SLK: variants seen among roughly 807,000 people sequenced by gnomAD.
The protein encoded by SLK is STE20 like kinase.
SLK carries 67 observed loss-of-function variants against 147.7 expected under a neutral mutation model. That is an observed-to-expected ratio of 0.45 (90% CI 0.37 to 0.56). SLK has a LOEUF of 0.56. Among genes scored for constraint, SLK ranks in the 20% least tolerant of loss-of-function variants. SLK has a pLI of 0.00. For synonymous variants in SLK, 441 were observed against 475.0 expected (o/e 0.93, Z 0.93); for missense variants, 1,136 against 1,438.8 (o/e 0.79, Z 3.41).
intron 4 of SLK, among the ~76,000 whole-genome samples, chr10:103,994,001 C>T (rs1179087924): frequency 2.0e-5 from 3 of 151,912 alleles, no homozygotes; most frequent in East Asian, 3.9e-4. Flanking sequence ...CTCCAGGGAT[C>T]CTTCCACCTT....
At chr10:103,976,777 G>T (rs564804232) in intron 1 of SLK, among the ~76,000 whole-genome samples, 1 of 152,292 alleles carries the variant, frequency 6.6e-6, no homozygotes, top group East Asian at 1.9e-4. Context: ...CCAAGCTCAA[G>T]ATAGCCCTTA....
chr10:104,008,986 T>C (rs1277585050), intron 12 of SLK, among the ~76,000 whole-genome samples: 1 of 152,162 alleles, frequency 6.6e-6, no homozygotes, highest in Non-Finnish European at 1.5e-5. Flanking sequence ...AGTCATTTGA[T>C]GAGAATGAGT....
chr10:103,994,066 T>A (rs1844134393), intron 4 of SLK, among the ~76,000 whole-genome samples: 1 of 152,100 alleles, frequency 6.6e-6, no homozygotes, highest in South Asian at 2.1e-4. Flanking sequence ...GGCGAATTTT[T>A]AAAAATTTTT....
intron 3 of SLK, 68 bp from the exon 4 acceptor site, chr10:103,992,916 G>GTATA: frequency 1.8e-6 from 2 of 1,135,448 alleles, no homozygotes; most frequent in Admixed American, 4.0e-5. Context: ...ATACAGAAAG[G>GTATA]TATATAGCCT....
chr10:104,019,085 C>T, intron 15 of SLK, 177 bp downstream of exon 15: 2 of 538,344 alleles, frequency 3.7e-6, no homozygotes, highest in Non-Finnish European at 6.4e-6. Context: ...TGATTGCAAA[C>T]TTCTTTTCTA....
At chr10:103,979,892 A>G (rs1006771059) in intron 1 of SLK, among the ~76,000 whole-genome samples, 2 of 152,204 alleles carry the variant, frequency 1.3e-5, no homozygotes, top group Non-Finnish European at 2.9e-5. Flanking sequence ...ACTTTTCCCT[A>G]CATGGCTAAT....
intron 1 of SLK, among the ~76,000 whole-genome samples, chr10:103,989,936 A>G (rs1270827321): frequency 1.3e-5 from 2 of 152,248 alleles, no homozygotes; most frequent in Non-Finnish European, 2.9e-5. Context: ...GAAACAACCA[A>G]CATATCCTTA....
At chr10:103,978,706 A>G (rs1843902168) in intron 1 of SLK, among the ~76,000 whole-genome samples, 1 of 152,198 alleles carries the variant, frequency 6.6e-6, no homozygotes, top group African/African-American at 2.4e-5. Flanking sequence ...GTAAGGATAT[A>G]ACTACTGAAT....
rs1187948776 is a variant in SLK at position 104,001,500 on chromosome 10, G to A, written c.921G>A (p.Ala307=). Residue 307 remains alanine (A), a synonymous_variant, in exon 8 of 19, where the codon GCG becomes GCA. Transcript: ENST00000369755. ...CCATCCGAGAATTGATTGCAGAGGC[G>A]AAGGCTGAAGTAACAGAAGAAGTTG... is the stretch of plus-strand genomic sequence containing the variant. The part of the protein sequence containing the change: ...NKPIRELIAE[A]KAEVTEEVED... The A allele has an allele frequency of 3.7e-6, 6 of 1,614,044 alleles. No homozygotes were observed. The highest frequency in any genetic ancestry group is 2.7e-5 in the African/African-American group (2 of 75,030).
At position 104,019,451 on chromosome 10, in the gene SLK, G is replaced by A. The variant is rs562362636; in HGVS notation, c.3133-283G>A. On this transcript the variant is annotated intron_variant, in intron 15 of 18. Coordinates refer to ENST00000369755, the MANE Select transcript of SLK (RefSeq NM_014720.4). ...TGCTAATTAAAAAAAAAAATTTTGT[G>A]TGTGGAGACAGGGTCTCACTATGTT... Among the ~76,000 whole-genome samples, 14 of 152,038 alleles carry A rather than the reference G, an allele frequency of 9.2e-5. No homozygotes were observed. In the South Asian group the frequency reaches 2.3e-3, roughly 25 times the overall value.
rs1391752687 is a variant in SLK, at chr10:104,005,560, G to A, written c.2350-1G>A. ...CCTAACTAAAATAAAATCTCACTCA[G>A]GAAACAAGAAGACAAAAGAAAACAT... On this transcript the variant is annotated splice_acceptor_variant, in intron 9 of 18. Coordinates refer to ENST00000369755, the MANE Select transcript of SLK (RefSeq NM_014720.4). LOFTEE classifies it high-confidence loss of function. The A allele has an allele frequency of 6.2e-7, 1 of 1,601,110 alleles. No homozygotes were observed.
rs918980808 is a variant in SLK, at chr10:104,005,925, C to A, written c.2494C>A (p.Arg832=). The change falls in exon 11 of 19, where the codon CGG becomes AGG. Residue 832 remains arginine (R), a synonymous_variant. Coordinates refer to ENST00000369755, the MANE Select transcript of SLK (RefSeq NM_014720.4). ...AAATTTTATCAGACGTCAGGAACTTCGGGAATTAAGATTTCTTCAGAAAGA... is the reference window on the plus strand; with the variant it reads ...AAATTTTATCAGACGTCAGGAACTTAGGGAATTAAGATTTCTTCAGAAAGA... ...ELRFLRRQEL[R]ELRFLQKEEQ... The A allele has an allele frequency of 6.2e-7, 1 of 1,609,072 alleles. No homozygotes were observed. The highest frequency in any genetic ancestry group is 8.5e-7 in the Non-Finnish European group (1 of 1,178,814).
chr10:103,994,948 G>A (rs1437109599), intron 4 of SLK, among the ~76,000 whole-genome samples: 1 of 152,300 alleles, frequency 6.6e-6, no homozygotes, highest in East Asian at 1.9e-4. Context: ...GGCACACCGT[G>A]TCTGCTTTGT....
chr10:104,021,282 G>A (rs1410562126), intron 17 of SLK, among the ~76,000 whole-genome samples: 2 of 152,204 alleles, frequency 1.3e-5, no homozygotes, highest in Non-Finnish European at 2.9e-5. Flanking sequence ...TTTAGTACCA[G>A]ATCCCACATT....
intron 4 of SLK, among the ~76,000 whole-genome samples, chr10:103,998,643 A>G (rs1175494291): frequency 6.6e-6 from 1 of 152,100 alleles, no homozygotes; most frequent in Non-Finnish European, 1.5e-5. Context: ...TTTATTTTCA[A>G]TTTTGGAGGA....
At chr10:103,998,208 T>C (rs1214331811) in intron 4 of SLK, among the ~76,000 whole-genome samples, 2 of 152,190 alleles carry the variant, frequency 1.3e-5, no homozygotes, top group South Asian at 2.1e-4. Context: ...GTGGTAGGCA[T>C]GAGCATCAAA....
chr10:104,010,949 C>A, intron 13 of SLK, 41 bp downstream of exon 13: 1 of 1,243,652 alleles, frequency 8.0e-7, no homozygotes, highest in Non-Finnish European at 1.1e-6. Context: ...CAGAAAGCAC[C>A]ATTTTCTCAC....
In SLK at chr10:104,028,887, ATTCTT is replaced by A. The variant is rs1589551712; in HGVS notation, c.*3172_*3176del. The A allele has an allele frequency of 6.6e-6, 1 of 152,356 alleles. No homozygotes were observed. The highest frequency in any genetic ancestry group is 2.4e-5 in the African/African-American group (1 of 41,580). 9.4% of individuals were successfully genotyped at this position (152,356 alleles called of 1,614,324 possible). On this transcript the variant is annotated 3_prime_UTR_variant, in exon 19 of 19. Coordinates refer to ENST00000369755, the MANE Select transcript of SLK (RefSeq NM_014720.4). ...AGTTCTAATAGTCTTTTGATTAACA[ATTCTT>A]TTCTGAGAAATGATTTTTATAAGAA...
chr10:104,002,174 A>G lies in SLK; in HGVS notation c.996A>G (p.Pro332=). 6.4e-7 allele frequency: 1 copy of G among 1,566,654 alleles called. No individual in the cohort carries two copies. Among genetic ancestry groups the G allele is most frequent in the Non-Finnish European group, 8.6e-7 (1 of 1,157,604 alleles). ...DEEEETENSL[P]IPASKRASSD... ...AAAATACATTAAATCTTTTTTAGCC[A>G]ATACCTGCAAGTAAGCGTGCATCTT... The change falls in exon 9 of 19, where the codon CCA becomes CCG. Residue 332 remains proline, a splice_region_variant and synonymous_variant. Coordinates refer to ENST00000369755, the MANE Select transcript of SLK (RefSeq NM_014720.4).
Sources: gnomAD v4.1 joint callset for allele counts (sites outside exome capture counted in the v4.1 genomes callset) on GRCh38, gnomAD v4.1.1 for gene constraint, MANE v1.5 for transcripts, NCBI Gene and HGNC (gene_info 2026-07-23, HGNC 2026-07-21) for gene names.